Variants in KYAT3 observed in about 807,000 individuals in gnomAD.
KYAT3 encodes the protein kynurenine--oxoglutarate transaminase 3.
In KYAT3, 50 loss-of-function variants were observed where a neutral mutation model predicts 59.0. The observed-to-expected ratio is 0.85, with a 90% CI of 0.68 to 1.07. The LOEUF is 1.07. KYAT3 is among the 50% of genes least tolerant of loss of function. The pLI is 0.00. For synonymous variants in KYAT3, 148 were observed against 177.0 expected (o/e 0.84, Z 1.30); for missense variants, 497 against 533.3 (o/e 0.93, Z 0.67).
intron 2 of KYAT3, chr1:88,983,806 T>C: frequency 6.2e-7 from 1 of 1,614,014 alleles, no homozygotes; most frequent in East Asian, 2.2e-5. Flanking sequence ...AGAGCTTTCC[T>C]GGGCGATCTG....
At chr1:88,926,017 G>A in the KYAT3 span, among the ~76,000 whole-genome samples, 1 of 152,032 alleles carries the variant, frequency 6.6e-6, no homozygotes, top group East Asian at 1.9e-4. Context: ...CCAGGAACCC[G>A]CGGGTGGCCC....
At chr1:88,964,555 C>T in intron 5 of KYAT3, 1 of 353,682 alleles carries the variant, frequency 2.8e-6, no homozygotes, top group Non-Finnish European at 5.3e-6. Context: ...AGAGTACTTA[C>T]CTCTGGGAGA....
In KYAT3 at chr1:88,988,316, C is replaced by T; in HGVS notation, c.35G>A (p.Ser12Asn). The T allele has an allele frequency of 1.2e-6, 2 of 1,613,546 alleles. No homozygotes were observed. The change falls in exon 2 of 14, where the codon AGC becomes AAC. Residue 12 changes from serine (S) to asparagine (N), a missense_variant. Around this residue, in one of 2 missense-constraint regions of KYAT3, gnomAD observed 469 missense variants for 479.1 expected, o/e 0.98. Coordinates refer to ENST00000260508, the MANE Select transcript of KYAT3 (RefSeq NM_001008661.3). ...TGTCTTCAGGAATTTTGCTCTACCG[C>T]TAAGAGAGCAGAGGCTCCTCTGGGC... ...FLAQRSLCSLSGRAKFLKTIS... is the reference protein window; with the variant it reads ...FLAQRSLCSLNGRAKFLKTIS...
chr1:88,921,865 A>G, the KYAT3 span, among the ~76,000 whole-genome samples: 1 of 152,074 alleles, frequency 6.6e-6, no homozygotes, highest in Admixed American at 6.6e-5. Flanking sequence ...TAGACCTTCA[A>G]CTCACTGGGT....
At chr1:88,946,944 T>C (rs10922523) in intron 11 of KYAT3, among the ~76,000 whole-genome samples, 5,801 of 152,294 alleles carry the variant, frequency 0.038, 318 homozygotes, top group African/African-American at 0.12. Context: ...CTGTATGTTG[T>C]CTTGGCATCC....
chr1:88,984,968 T>C (rs1677361057), intron 2 of KYAT3, among the ~76,000 whole-genome samples: 1 of 152,268 alleles, frequency 6.6e-6, no homozygotes, highest in Non-Finnish European at 1.5e-5. Context: ...ATGAGTGAAA[T>C]AAAAATCTTT....
intron 11 of KYAT3, among the ~76,000 whole-genome samples, chr1:88,946,534 G>A (rs992512521): frequency 2.0e-5 from 3 of 152,054 alleles, no homozygotes; most frequent in African/African-American, 7.2e-5. Context: ...CTTTTAATAT[G>A]AGAAGGCTCA....
chr1:88,934,531 G>A (rs961867986), downstream of KYAT3, among the ~76,000 whole-genome samples: 1 of 152,180 alleles, frequency 6.6e-6, no homozygotes, highest in African/African-American at 2.4e-5. Flanking sequence ...CTTATGTCTA[G>A]TTCGTGTCAG....
chr1:88,945,507 A>G (rs972929040), intron 11 of KYAT3, among the ~76,000 whole-genome samples: 2 of 152,222 alleles, frequency 1.3e-5, no homozygotes, highest in African/African-American at 4.8e-5. Context: ...TCAGTAAATT[A>G]CTTGATTCTC....
chr1:88,984,966 A>G (rs1055560551), intron 2 of KYAT3, among the ~76,000 whole-genome samples: 12 of 152,270 alleles, frequency 7.9e-5, no homozygotes, highest in Non-Finnish European at 1.6e-4. Context: ...ACATGAGTGA[A>G]ATAAAAATCT....
downstream of KYAT3, among the ~76,000 whole-genome samples, chr1:88,931,318 C>G (rs1674902683): frequency 6.6e-6 from 1 of 152,184 alleles, no homozygotes; most frequent in Non-Finnish European, 1.5e-5. Context: ...TTTGTCTCTT[C>G]CAGAATCGAA....
chr1:88,977,911 A>G (rs1456181535), intron 2 of KYAT3, among the ~76,000 whole-genome samples: 1 of 151,334 alleles, frequency 6.6e-6, no homozygotes, highest in Non-Finnish European at 1.5e-5. Context: ...AACATGCTGT[A>G]TAGATTTGTA....
At chr1:88,921,425 T>A in the KYAT3 span, among the ~76,000 whole-genome samples, 5 of 152,318 alleles carry the variant, frequency 3.3e-5, no homozygotes, top group Admixed American at 2.6e-4. Context: ...AGAAGGTAGA[T>A]ATTATTGGTT....
chr1:88,946,049 C>T (rs1186392201), intron 11 of KYAT3, among the ~76,000 whole-genome samples: 4 of 152,086 alleles, frequency 2.6e-5, no homozygotes, highest in African/African-American at 9.7e-5. Context: ...TAATTAGGAG[C>T]TTAATGTAAT....
chr1:88,966,060 C>T (rs1420563234), intron 4 of KYAT3, among the ~76,000 whole-genome samples: 1 of 152,128 alleles, frequency 6.6e-6, no homozygotes, highest in African/African-American at 2.4e-5. Context: ...AAATTACAAT[C>T]GCTCCTCAAT....
chr1:88,924,893 C>T, the KYAT3 span, among the ~76,000 whole-genome samples: 6 of 152,132 alleles, frequency 3.9e-5, no homozygotes, highest in African/African-American at 1.4e-4. Context: ...CTATAACAAT[C>T]ACCGCATGGC....
chr1:88,953,659 T>C (rs1413558824), intron 9 of KYAT3, among the ~76,000 whole-genome samples: 1 of 152,108 alleles, frequency 6.6e-6, no homozygotes, highest in East Asian at 1.9e-4. Context: ...GTCATTAAAC[T>C]CTGCTTTCAT....
chr1:88,990,491 C>T (rs1208605778), intron 1 of KYAT3, among the ~76,000 whole-genome samples: 1 of 152,178 alleles, frequency 6.6e-6, no homozygotes, highest in African/African-American at 2.4e-5. Context: ...TCTCACTTTC[C>T]TAGAGCTCTC....
intron 13 of KYAT3, 48 bp from the exon 14 acceptor site, chr1:88,936,293 C>A: frequency 8.0e-7 from 1 of 1,250,192 alleles, no homozygotes; most frequent in Admixed American, 1.8e-5. Context: ...TACATAAATT[C>A]AAGATGAAGC....
Sources: gnomAD v4.1 joint callset for allele counts (sites outside exome capture counted in the v4.1 genomes callset) on GRCh38, gnomAD v4.1.1 for gene constraint, gnomAD v4.1.1 regional missense constraint, MANE v1.5 for transcripts, NCBI Gene and HGNC (gene_info 2026-07-23, HGNC 2026-07-21) for gene names.